The following MTFR1 variants were observed in gnomAD, a reference collection of about 807,000 sequenced individuals.
The protein encoded by MTFR1 is chondrocyte protein with a poly-proline region.
In MTFR1, 28 loss-of-function variants were observed where a neutral mutation model predicts 38.8. The ratio of observed to expected loss-of-function variants is 0.72; its 90% confidence interval spans 0.53 to 0.99. The LOEUF (loss-of-function observed/expected upper bound fraction) is 0.99, where lower values mean the gene tolerates loss of function less well. MTFR1 is among the 50% of genes least tolerant of loss of function. The pLI, the probability that MTFR1 is intolerant of heterozygous loss-of-function variation, is 0.00. For missense variants in MTFR1, 358 were observed against 395.5 expected (o/e 0.91, Z 0.81); for synonymous variants, 145 against 137.0 (o/e 1.06, Z -0.41).
At chr8:65,737,680 G>A (rs1265496526) in intron 3 of MTFR1, among the ~76,000 whole-genome samples, 4 of 151,834 alleles carry the variant, frequency 2.6e-5, no homozygotes, top group African/African-American at 7.3e-5. Context: ...CTCCACACCC[G>A]ACTAATTTTT....
chr8:65,695,588 C>G (rs1475655076), intron 4 of MTFR1, among the ~76,000 whole-genome samples: 3 of 152,094 alleles, frequency 2.0e-5, no homozygotes, highest in South Asian at 4.2e-4. Context: ...AACTCCTGAC[C>G]CCAGGTGATC....
At chr8:65,719,584 C>CCTA in intron 3 of MTFR1, 2 of 815,584 alleles carry the variant, frequency 2.5e-6, no homozygotes, top group Non-Finnish European at 4.1e-6. Flanking sequence ...CTTCCTACAT[C>CCTA]CTACTCCAGT....
Position 65,655,598 on chromosome 8 carries a change from A to G in MTFR1, c.-81+10814A>G, listed in dbSNP as rs13264034. On this transcript the variant is annotated intron_variant, in intron 1 of 7. Coordinates refer to ENST00000262146, the MANE Select transcript of MTFR1 (RefSeq NM_014637.4). ...GTGTTTTGACTTAAGTATCAACTGG[A>G]CTGATGTGAAGGATAGCAGTGGTCC... Among the ~76,000 whole-genome samples the G allele has an allele frequency of 7.3e-3, 1,108 of 152,118 alleles. 9 individuals are homozygous for G. Among genetic ancestry groups the G allele is most frequent in the Middle Eastern group, 0.014 (4 of 292 alleles).
chr8:65,717,444 G>C (rs548527397), intron 2 of MTFR1: 3 of 152,180 alleles, frequency 2.0e-5, no homozygotes, highest in Admixed American at 2.0e-4. Flanking sequence ...GTTCACCACT[G>C]TAGGAACAAA....
At chr8:65,662,077 A>C (rs1274710961) in intron 1 of MTFR1, among the ~76,000 whole-genome samples, 106 of 62,314 alleles carry the variant, frequency 1.7e-3, no homozygotes, top group South Asian at 0.011. Context: ...CTCTCTTTCC[A>C]CAGTCTCCCT....
upstream of MTFR1, among the ~76,000 whole-genome samples, chr8:65,644,094 A>C (rs1436789334): frequency 6.6e-6 from 1 of 152,240 alleles, no homozygotes; most frequent in Non-Finnish European, 1.5e-5. Flanking sequence ...ACACTGCATA[A>C]GTTAGCTAGA....
intron 3 of MTFR1, among the ~76,000 whole-genome samples, chr8:65,746,026 G>A (rs1807658500): frequency 6.6e-6 from 1 of 152,028 alleles, no homozygotes. Context: ...GACCTCCTGG[G>A]CTCGAGCAAT....
intron 3 of MTFR1, chr8:65,739,488 T>A: frequency 6.5e-7 from 1 of 1,544,772 alleles, no homozygotes; most frequent in Middle Eastern, 1.7e-4. Flanking sequence ...TGTTAATGGG[T>A]TAGAATCACT....
downstream of MTFR1, among the ~76,000 whole-genome samples, chr8:65,713,439 AACACACACACACACACACACACAC>A (rs144454204): frequency 4.7e-4 from 64 of 137,558 alleles, no homozygotes; most frequent in Non-Finnish European, 8.5e-4. Flanking sequence ...TCCCATCTCA[AACACACACACACACACACACACAC>A]ACACACACAC....
exon 3 of MTFR1, chr8:65,719,380 T>C: frequency 6.2e-7 from 1 of 1,614,034 alleles, no homozygotes; most frequent in South Asian, 1.1e-5. Flanking sequence ...CTCTCTGCAG[T>C]CCCTTCCAGC....
intron 3 of MTFR1, among the ~76,000 whole-genome samples, chr8:65,753,646 G>T (rs1443932157): frequency 6.6e-6 from 1 of 152,138 alleles, no homozygotes; most frequent in Non-Finnish European, 1.5e-5. Context: ...CCTCTAACTG[G>T]ATTATAGTGT....
chr8:65,666,570 A>AT (rs2129050360), intron 1 of MTFR1, among the ~76,000 whole-genome samples: 1 of 152,342 alleles, frequency 6.6e-6, no homozygotes, highest in African/African-American at 2.4e-5. Flanking sequence ...TACTCAAGTT[A>AT]TACTAACTAT....
intron 1 of MTFR1, among the ~76,000 whole-genome samples, chr8:65,665,236 A>C (rs148694553): frequency 1.9e-3 from 294 of 152,162 alleles, no homozygotes; most frequent in Non-Finnish European, 2.3e-3. Flanking sequence ...CCTGGGCTTT[A>C]ATGATAGGTT....
At chr8:65,653,312 G>C (rs1453759254) in intron 1 of MTFR1, among the ~76,000 whole-genome samples, 1 of 151,974 alleles carries the variant, frequency 6.6e-6, no homozygotes, top group Non-Finnish European at 1.5e-5. Context: ...GGCAGTTCGA[G>C]ACCAGCCTGA....
At chr8:65,647,892 T>C (rs1809005477) in intron 1 of MTFR1, among the ~76,000 whole-genome samples, 1 of 152,222 alleles carries the variant, frequency 6.6e-6, no homozygotes. Context: ...TTAACATTTA[T>C]TTGATTACTG....
At chr8:65,681,092 T>G (rs1319363212) in intron 2 of MTFR1, among the ~76,000 whole-genome samples, 2 of 151,352 alleles carry the variant, frequency 1.3e-5, no homozygotes, top group Non-Finnish European at 1.5e-5. Context: ...TTTTGTATTT[T>G]TAGTAGAGAC....
the MTFR1 span, among the ~76,000 whole-genome samples, chr8:65,777,356 A>C: frequency 6.6e-6 from 1 of 151,528 alleles, no homozygotes; most frequent in African/African-American, 2.4e-5. Context: ...TGGGATTACA[A>C]GCGTGAGCCA....
intron 3 of MTFR1, among the ~76,000 whole-genome samples, chr8:65,726,551 A>G (rs1466946472): frequency 6.6e-6 from 1 of 152,174 alleles, no homozygotes; most frequent in Non-Finnish European, 1.5e-5. Context: ...TTAAGGTTTT[A>G]TTCAGCTGAG....
chr8:65,757,912 C>T (rs1239536792), intron 3 of MTFR1, among the ~76,000 whole-genome samples: 1 of 152,218 alleles, frequency 6.6e-6, no homozygotes, highest in African/African-American at 2.4e-5. Context: ...CCACCACACC[C>T]AGCCAACTCC....
Sources: gnomAD v4.1 joint callset for allele counts (sites outside exome capture counted in the v4.1 genomes callset) on GRCh38, gnomAD v4.1.1 for gene constraint, MANE v1.5 for transcripts, NCBI Gene and HGNC (gene_info 2026-07-23, HGNC 2026-07-21) for gene names.